Variants in ESR1 observed in about 807,000 individuals in gnomAD.
The protein encoded by ESR1 is estrogen receptor.
Under a neutral mutation model 52.7 loss-of-function variants are expected in ESR1, and 12 were observed. That is an observed-to-expected ratio of 0.23 (90% CI 0.15 to 0.37). The LOEUF (loss-of-function observed/expected upper bound fraction) is 0.37, where lower values mean the gene tolerates loss of function less well. Ranked by LOEUF, ESR1 falls within the 10% of genes least tolerant of loss-of-function variation. ESR1 has a pLI of 1.00. For missense variants in ESR1, 584 were observed against 779.7 expected, an observed-to-expected ratio of 0.75 and a Z score of 2.99; for synonymous variants, 305 against 316.8, an observed-to-expected ratio of 0.96 and a Z score of 0.39.
intron 4 of ESR1, among the ~76,000 whole-genome samples, chr6:152,011,010 G>A (rs1408360395): frequency 2.6e-5 from 4 of 151,812 alleles, no homozygotes; most frequent in African/African-American, 9.7e-5. Flanking sequence ...AGTAATGATT[G>A]GAGAAAGCTT....
chr6:151,742,691 G>A (rs1020971024), intron 2 of ESR1, among the ~76,000 whole-genome samples: 25 of 152,200 alleles, frequency 1.6e-4, no homozygotes, highest in African/African-American at 5.5e-4. Flanking sequence ...TTGCTATTAT[G>A]TGTTGAATTC....
At chr6:151,953,268 A>G (rs1273135184) in intron 4 of ESR1, among the ~76,000 whole-genome samples, 1 of 152,230 alleles carries the variant, frequency 6.6e-6, no homozygotes, top group African/African-American at 2.4e-5. Context: ...AAGTACCAAC[A>G]TAGCCAAGCC....
intron 3 of ESR1, among the ~76,000 whole-genome samples, chr6:151,937,287 G>A (rs952266235): frequency 1.3e-5 from 2 of 152,166 alleles, no homozygotes; most frequent in Admixed American, 6.5e-5. Flanking sequence ...TGGCGGGTAT[G>A]AGATGACCAG....
At chr6:151,833,434 C>T (rs970754512) in intron 1 of ESR1, among the ~76,000 whole-genome samples, 3 of 152,068 alleles carry the variant, frequency 2.0e-5, no homozygotes, top group Non-Finnish European at 2.9e-5. Flanking sequence ...TTAGGGTAGC[C>T]GTGGAGGAGA....
chr6:152,098,586 C>T lies in ESR1; in HGVS notation c.1554-146C>T, dbSNP rs2050822721. The T allele has an allele frequency of 8.2e-6, 6 of 727,472 alleles. No individual in the cohort carries two copies. Among genetic ancestry groups the T allele is most frequent in the Non-Finnish European group, 9.6e-6 (4 of 414,604 alleles). 45.1% of individuals were successfully genotyped at this position (727,472 alleles called of 1,614,324 possible). A position where few individuals can be genotyped will look rare whatever the true frequency, so the allele number is the denominator to read the frequency against. ...GAAAGCCCTCAGCTTTCCCAGCTCC[C>T]ATCCTAAAGTGGGTCTTTAAACAGG... On this transcript the variant is annotated intron_variant, in intron 7 of 7. Coordinates refer to ENST00000206249, the MANE Select transcript of ESR1 (RefSeq NM_000125.4). The surrounding 1 kb of genome is among the most constrained non-coding windows in gnomAD (Gnocchi z 5.1).
At chr6:152,031,589 G>A (rs1459665399) in intron 5 of ESR1, among the ~76,000 whole-genome samples, 9 of 152,116 alleles carry the variant, frequency 5.9e-5, no homozygotes, top group Admixed American at 2.6e-4. Flanking sequence ...ACTAAACCAG[G>A]AAGAAGCTGA....
At chr6:152,078,570 T>G (rs2048935712) in intron 6 of ESR1, among the ~76,000 whole-genome samples, 1 of 151,524 alleles carries the variant, frequency 6.6e-6, no homozygotes, top group African/African-American at 2.4e-5. Flanking sequence ...AGAAGGCAGG[T>G]GATTTCTGCA....
At chr6:151,732,181 T>C (rs529406743) in intron 2 of ESR1, among the ~76,000 whole-genome samples, 1 of 152,338 alleles carries the variant, frequency 6.6e-6, no homozygotes, top group African/African-American at 2.4e-5. Flanking sequence ...TATGAGAACA[T>C]TTTTATTTCA....
intron 4 of ESR1, among the ~76,000 whole-genome samples, chr6:151,963,547 A>G (rs978578817): frequency 9.9e-5 from 15 of 152,084 alleles, no homozygotes; most frequent in Non-Finnish European, 1.9e-4. Context: ...TTCCTTTTGA[A>G]TTGTTTGAAT....
At chr6:151,709,313 T>A (rs1780409653) in intron 2 of ESR1, among the ~76,000 whole-genome samples, 1 of 152,228 alleles carries the variant, frequency 6.6e-6, no homozygotes. Flanking sequence ...GACAATATTT[T>A]TCTCTTTTTT....
intron 4 of ESR1, among the ~76,000 whole-genome samples, chr6:151,977,549 C>T (rs1204389575): frequency 6.6e-6 from 1 of 151,908 alleles, no homozygotes; most frequent in Non-Finnish European, 1.5e-5. Context: ...AATCCCAGCA[C>T]TTTGGGAGGC....
intron 5 of ESR1, among the ~76,000 whole-genome samples, chr6:152,036,950 C>T (rs559720844): frequency 6.6e-6 from 1 of 152,282 alleles, no homozygotes; most frequent in South Asian, 2.1e-4. Flanking sequence ...TGGGAATACA[C>T]TGGGTGGGGA....
At chr6:151,941,541 T>C (rs2035059168) in intron 3 of ESR1, among the ~76,000 whole-genome samples, 1 of 151,758 alleles carries the variant, frequency 6.6e-6, no homozygotes, top group Non-Finnish European at 1.5e-5. Context: ...CTCTTGCTCT[T>C]ACATTTTTTT....
intron 2 of ESR1, among the ~76,000 whole-genome samples, chr6:151,791,234 A>T (rs1776118540): frequency 6.6e-6 from 1 of 152,046 alleles, no homozygotes; most frequent in Admixed American, 6.6e-5. Flanking sequence ...TAGCTCCCAT[A>T]ATTCCCACGT....
At chr6:151,669,157 A>AGAGAGAGAGAGGGAGAG (rs1777944196) in intron 1 of ESR1, among the ~76,000 whole-genome samples, 4 of 121,108 alleles carry the variant, frequency 3.3e-5, no homozygotes, top group Admixed American at 8.1e-5. Context: ...GGAGAGAGAG[A>AGAGAGAGAGAGGGAGAG]GAGAGAGAGA....
At chr6:151,956,730 C>CAAAAAAAA (rs1301316005) in intron 4 of ESR1, among the ~76,000 whole-genome samples, 1 of 148,170 alleles carries the variant, frequency 6.7e-6, no homozygotes, top group Non-Finnish European at 1.5e-5. Context: ...CTTTCTTTTC[C>CAAAAAAAA]AAAAAAAACA....
upstream of ESR1, among the ~76,000 whole-genome samples, chr6:151,804,226 G>T (rs1444549944): frequency 6.6e-6 from 1 of 152,218 alleles, no homozygotes; most frequent in Non-Finnish European, 1.5e-5. Context: ...AGAGAAAGTG[G>T]TTAAGAAAAC....
At chr6:151,879,970 C>T (rs931441156) in intron 2 of ESR1, among the ~76,000 whole-genome samples, 1 of 152,152 alleles carries the variant, frequency 6.6e-6, no homozygotes, top group Non-Finnish European at 1.5e-5. Context: ...TTTCTAAAAG[C>T]TCTACCCTCA....
chr6:151,701,361 CT>C (rs1225204079), intron 1 of ESR1, among the ~76,000 whole-genome samples: 7 of 151,628 alleles, frequency 4.6e-5, no homozygotes, highest in African/African-American at 1.7e-4. Flanking sequence ...CCCATCTCTA[CT>C]AAAAAGATAA....
Sources: allele counts gnomAD v4.1 joint callset (sites outside exome capture counted in the v4.1 genomes callset), GRCh38; gene constraint gnomAD v4.1.1; non-coding constraint Gnocchi (gnomAD v3.1); transcripts MANE v1.5; gene names NCBI Gene and HGNC (gene_info 2026-07-23, HGNC 2026-07-21).